SLC9A9: variants seen among roughly 807,000 people sequenced by gnomAD.
SLC9A9 encodes the protein solute carrier family 9 member A9.
Under a neutral mutation model 77.8 loss-of-function variants are expected in SLC9A9, and 62 were observed. The observed-to-expected ratio is 0.80, with a 90% CI of 0.65 to 0.98. The LOEUF (loss-of-function observed/expected upper bound fraction) is 0.98, where lower values mean the gene tolerates loss of function less well. Ranked by LOEUF, SLC9A9 falls within the 50% of genes least tolerant of loss-of-function variation. SLC9A9 has a pLI of 0.00. For synonymous variants in SLC9A9, 320 were observed against 283.5 expected (o/e 1.13, Z -1.29); for missense variants, 775 against 774.9 (o/e 1.00, Z 0.00).
chr3:143,731,452 T>G (rs1182838167), intron 4 of SLC9A9, among the ~76,000 whole-genome samples: 1 of 152,174 alleles, frequency 6.6e-6, no homozygotes, highest in Non-Finnish European at 1.5e-5. Context: ...AGCCCTCACT[T>G]CATTTCCTGT....
intron 14 of SLC9A9, among the ~76,000 whole-genome samples, chr3:143,306,478 A>T (rs1036044875): frequency 3.3e-5 from 5 of 152,250 alleles, no homozygotes; most frequent in African/African-American, 1.2e-4. Flanking sequence ...TGTGCCTGGC[A>T]TGTAGTAAGC....
intron 4 of SLC9A9, among the ~76,000 whole-genome samples, chr3:143,706,156 T>TGA: frequency 6.6e-6 from 1 of 151,724 alleles, no homozygotes; most frequent in East Asian, 1.9e-4. Flanking sequence ...TGTCCTACCG[T>TGA]AGGTGGTTTC....
chr3:143,395,076 T>C (rs958563059), intron 12 of SLC9A9, among the ~76,000 whole-genome samples: 18 of 152,202 alleles, frequency 1.2e-4, no homozygotes, highest in African/African-American at 4.1e-4. Flanking sequence ...AATGACTTTC[T>C]TCACAGAATT....
At chr3:143,744,580 C>T (rs750650545) in intron 4 of SLC9A9, among the ~76,000 whole-genome samples, 1 of 152,092 alleles carries the variant, frequency 6.6e-6, no homozygotes, top group Non-Finnish European at 1.5e-5. Context: ...TTCTCATCAG[C>T]GAAAAAGCCT....
In SLC9A9 at chr3:143,266,212, G is replaced by A. The variant is rs990948643; in HGVS notation, c.*490C>T. Reference sequence around the variant, plus strand: ...CCCTGGGGTCACTGAGAGCAAATGGGAGTCAAGTCCTCAAAATAAGAAACT... The same window carrying A: ...CCCTGGGGTCACTGAGAGCAAATGGAAGTCAAGTCCTCAAAATAAGAAACT... On this transcript the variant is annotated 3_prime_UTR_variant, in exon 16 of 16. Transcript: ENST00000316549. 2 of 652,326 alleles carry A rather than the reference G, an allele frequency of 3.1e-6. No homozygotes were observed. The highest frequency in any genetic ancestry group is 3.6e-5 in the African/African-American group (2 of 55,054). 40.4% of individuals were successfully genotyped at this position (652,326 alleles called of 1,614,324 possible).
At chr3:143,725,821 G>T (rs1934636333) in intron 4 of SLC9A9, among the ~76,000 whole-genome samples, 1 of 150,504 alleles carries the variant, frequency 6.6e-6, no homozygotes, top group Non-Finnish European at 1.5e-5. Context: ...CACCAGCATG[G>T]CACATGTATA....
chr3:143,802,935 T>C (rs2008606453), intron 2 of SLC9A9, among the ~76,000 whole-genome samples: 1 of 152,154 alleles, frequency 6.6e-6, no homozygotes, highest in South Asian at 2.1e-4. Flanking sequence ...TCTAGGTGAC[T>C]ATCCTCCAGT....
At chr3:143,834,731 C>T (rs2009526434) in intron 1 of SLC9A9, among the ~76,000 whole-genome samples, 1 of 152,088 alleles carries the variant, frequency 6.6e-6, no homozygotes, top group Non-Finnish European at 1.5e-5. Context: ...ACCTCCAAAC[C>T]TAAATGGCCC....
chr3:143,691,902 T>C (rs561791220), intron 5 of SLC9A9, among the ~76,000 whole-genome samples: 2 of 152,276 alleles, frequency 1.3e-5, no homozygotes, highest in South Asian at 2.1e-4. Flanking sequence ...CTATAGGTTG[T>C]GTTCTGGTAG....
intron 12 of SLC9A9, among the ~76,000 whole-genome samples, chr3:143,451,039 G>C (rs993117923): frequency 6.6e-6 from 1 of 152,058 alleles, no homozygotes; most frequent in African/African-American, 2.4e-5. Flanking sequence ...AAGAAAAGCA[G>C]ACAGACAGTG....
intron 12 of SLC9A9, among the ~76,000 whole-genome samples, chr3:143,405,740 A>C (rs759896739): frequency 7.2e-5 from 11 of 152,170 alleles, no homozygotes; most frequent in Non-Finnish European, 1.6e-4. Context: ...GGGGAACAGG[A>C]GGAGCTCCTG....
At chr3:143,370,388 C>G (rs1011040572) in intron 13 of SLC9A9, among the ~76,000 whole-genome samples, 1 of 152,076 alleles carries the variant, frequency 6.6e-6, no homozygotes, top group Admixed American at 6.5e-5. Flanking sequence ...ACCCATCTTA[C>G]AGATTGAAGA....
chr3:143,757,290 A>G (rs1287230985), intron 4 of SLC9A9, among the ~76,000 whole-genome samples: 1 of 152,150 alleles, frequency 6.6e-6, no homozygotes, highest in Non-Finnish European at 1.5e-5. Context: ...TAAATAAGTG[A>G]TATGATTAAT....
At chr3:143,431,204 C>T (rs768784365) in intron 12 of SLC9A9, among the ~76,000 whole-genome samples, 6 of 152,144 alleles carry the variant, frequency 3.9e-5, no homozygotes, top group Non-Finnish European at 5.9e-5. Flanking sequence ...AAGTCCCTTT[C>T]CTTCAATTCA....
At chr3:143,336,506 T>C (rs1212441477) in intron 14 of SLC9A9, among the ~76,000 whole-genome samples, 1 of 152,022 alleles carries the variant, frequency 6.6e-6, no homozygotes, top group African/African-American at 2.4e-5. Context: ...CATCAGTGAG[T>C]AAATGGATAA....
At chr3:143,697,524 T>C (rs1291094351) in intron 4 of SLC9A9, among the ~76,000 whole-genome samples, 1 of 122,120 alleles carries the variant, frequency 8.2e-6, no homozygotes, top group Non-Finnish European at 1.8e-5. Flanking sequence ...CTTTTACAAA[T>C]GAGAAAAGTA....
intron 12 of SLC9A9, among the ~76,000 whole-genome samples, chr3:143,397,044 T>C (rs1576470385): frequency 6.6e-6 from 1 of 152,246 alleles, no homozygotes; most frequent in African/African-American, 2.4e-5. Context: ...TTGGCACAAC[T>C]TCCCTTGAGT....
intron 4 of SLC9A9, among the ~76,000 whole-genome samples, chr3:143,702,966 TAA>T (rs1387858665): frequency 6.6e-6 from 1 of 152,054 alleles, no homozygotes; most frequent in Non-Finnish European, 1.5e-5. Context: ...ACTAAAATTA[TAA>T]GAGACAAAGG....
At chr3:143,415,835 G>T (rs1172672535) in intron 12 of SLC9A9, among the ~76,000 whole-genome samples, 1 of 152,218 alleles carries the variant, frequency 6.6e-6, no homozygotes, top group Non-Finnish European at 1.5e-5. Context: ...GCAAATTGAA[G>T]ATTCCTCTAT....
Sources: allele counts gnomAD v4.1 joint callset (sites outside exome capture counted in the v4.1 genomes callset), GRCh38; gene constraint gnomAD v4.1.1; transcripts MANE v1.5; gene names NCBI Gene and HGNC (gene_info 2026-07-23, HGNC 2026-07-21).